Variants in OSTM1 observed in about 807,000 individuals in gnomAD.
OSTM1 encodes the protein osteoclastogenesis associated transmembrane protein 1, also known as osteopetrosis-associated transmembrane protein 1.
In OSTM1, 26 loss-of-function variants were observed where a neutral mutation model predicts 35.4. The observed-to-expected ratio is 0.73, with a 90% confidence interval of 0.54 to 1.02. The LOEUF (loss-of-function observed/expected upper bound fraction) is 1.02, where lower values mean the gene tolerates loss of function less well. Ranked by LOEUF, OSTM1 falls within the 50% of genes least tolerant of loss-of-function variation. OSTM1 has a pLI of 0.00. For synonymous variants in OSTM1, 181 were observed against 165.0 expected (o/e 1.10, Z -0.75); for missense variants, 366 against 409.6 (o/e 0.89, Z 0.92).
chr6:108,067,730 T>C (rs963244317), intron 1 of OSTM1, among the ~76,000 whole-genome samples: 6 of 148,132 alleles, frequency 4.1e-5, no homozygotes, highest in Non-Finnish European at 8.9e-5. Context: ...CTCAGGAGGC[T>C]GAGGCTGGAG....
intron 5 of OSTM1, 33 bp from the exon 6 acceptor site, chr6:108,044,873 AAATTT>A (rs1454007961): frequency 3.6e-6 from 4 of 1,096,238 alleles, no homozygotes; most frequent in Non-Finnish European, 5.3e-6. Flanking sequence ...ATTTTAATTT[AAATTT>A]AATTATCAAA....
chr6:108,064,970 T>C (rs1772351315), intron 1 of OSTM1, among the ~76,000 whole-genome samples: 1 of 152,220 alleles, frequency 6.6e-6, no homozygotes, highest in Non-Finnish European at 1.5e-5. Context: ...GCGATTCTCA[T>C]GCCACAGCCT....
chr6:108,050,619 C>T (rs1344524443), intron 4 of OSTM1, among the ~76,000 whole-genome samples: 1 of 152,088 alleles, frequency 6.6e-6, no homozygotes, highest in Non-Finnish European at 1.5e-5. Context: ...GCCTCAGCCT[C>T]CCAAAGTACT....
At chr6:108,057,278 C>T (rs540662098) in intron 2 of OSTM1, among the ~76,000 whole-genome samples, 15 of 152,238 alleles carry the variant, frequency 9.9e-5, no homozygotes, top group African/African-American at 3.4e-4. Context: ...AGCCCGCAAT[C>T]CTTTTAGGGA....
At chr6:108,069,106 C>A (rs974335893) in intron 1 of OSTM1, among the ~76,000 whole-genome samples, 1 of 152,200 alleles carries the variant, frequency 6.6e-6, no homozygotes, top group Non-Finnish European at 1.5e-5. Context: ...GATCAGCACT[C>A]TTGTCATATG....
intron 5 of OSTM1, among the ~76,000 whole-genome samples, chr6:108,045,807 C>T (rs1383747884): frequency 6.6e-6 from 1 of 152,006 alleles, no homozygotes; most frequent in Non-Finnish European, 1.5e-5. Flanking sequence ...AACAATCATG[C>T]CCATAGTGAG....
intron 2 of OSTM1, among the ~76,000 whole-genome samples, chr6:108,061,666 T>C (rs2114603731): frequency 6.6e-6 from 1 of 151,914 alleles, no homozygotes; most frequent in Admixed American, 6.6e-5. Context: ...GCTGGGACTA[T>C]AGGCATTTGC....
intron 2 of OSTM1, among the ~76,000 whole-genome samples, chr6:108,060,154 C>T (rs1268221606): frequency 1.3e-5 from 2 of 152,026 alleles, no homozygotes; most frequent in Non-Finnish European, 2.9e-5. Context: ...CTTCTTTTAC[C>T]TGAGACCATA....
intron 5 of OSTM1, among the ~76,000 whole-genome samples, chr6:108,047,750 A>T (rs963589740): frequency 6.6e-6 from 1 of 152,232 alleles, no homozygotes; most frequent in African/African-American, 2.4e-5. Flanking sequence ...AATAAAAGAA[A>T]GAAAATAATT....
rs745825777 is a variant in OSTM1, at chr6:108,074,676, G to A, written c.-25C>T. ...TCACCGGGCTCACACACCCCAGGGAGCCCACCGCCGCCTCTCCGCCCCCAG... is the reference window on the plus strand; with the variant it reads ...TCACCGGGCTCACACACCCCAGGGAACCCACCGCCGCCTCTCCGCCCCCAG... On this transcript the variant is annotated 5_prime_UTR_variant, in exon 1 of 6. Coordinates refer to ENST00000193322, the MANE Select transcript of OSTM1 (RefSeq NM_014028.4). 8.5e-5 allele frequency: 128 copies of A among 1,510,708 alleles called. 1 individual carries two copies. In the East Asian group the frequency reaches 1.3e-3, roughly 15 times the overall value. The allele number at this position is 1,510,708 out of a possible 1,614,324, so 93.6% of individuals were successfully genotyped here. A position where few individuals can be genotyped will look rare whatever the true frequency, so the allele number is the denominator to read the frequency against.
chr6:108,053,956 A>G (rs1481661219), intron 3 of OSTM1, among the ~76,000 whole-genome samples: 1 of 152,224 alleles, frequency 6.6e-6, no homozygotes, highest in Non-Finnish European at 1.5e-5. Context: ...GCAAGTTCCA[A>G]TACCAAAATT....
At chr6:108,071,711 T>C (rs1015477333) in intron 1 of OSTM1, among the ~76,000 whole-genome samples, 2 of 152,122 alleles carry the variant, frequency 1.3e-5, no homozygotes, top group Admixed American at 1.3e-4. Context: ...TGTCACACTT[T>C]TGAGCTAATG....
intron 3 of OSTM1, among the ~76,000 whole-genome samples, chr6:108,054,137 T>C (rs1205583990): frequency 1.3e-5 from 2 of 152,232 alleles, no homozygotes; most frequent in African/African-American, 4.8e-5. Flanking sequence ...ATAGACAGAA[T>C]CATACTACAC....
At chr6:108,054,281 A>G (rs768779547) in intron 3 of OSTM1, among the ~76,000 whole-genome samples, 20 of 152,182 alleles carry the variant, frequency 1.3e-4, no homozygotes, top group Non-Finnish European at 2.5e-4. Flanking sequence ...GGCAGGATAG[A>G]TATTATCTCC....
intron 5 of OSTM1, among the ~76,000 whole-genome samples, chr6:108,046,908 C>T (rs184154418): frequency 2.0e-5 from 3 of 152,252 alleles, no homozygotes; most frequent in East Asian, 1.9e-4. Context: ...AAGTTAAATA[C>T]GAATGAGTAC....
rs534652017 is a variant in OSTM1 at position 108,041,927 on chromosome 6, T to C, written c.*2858A>G. ...ATTTTTTAAATTTTAAATGGTTATA[T>C]AGGTTAATAGTATTTTTTGCTTTTC... On this transcript the variant is annotated 3_prime_UTR_variant, in exon 6 of 6. Coordinates refer to ENST00000193322, the MANE Select transcript of OSTM1 (RefSeq NM_014028.4). 5.3e-5 allele frequency: 8 copies of C among 152,300 alleles called. No individual in the cohort carries two copies. In the South Asian group the frequency reaches 1.2e-3, roughly 24 times the overall value. The allele number at this position is 152,300 out of a possible 1,614,324, so 9.4% of individuals were successfully genotyped here.
At position 108,051,013 on chromosome 6, in the gene OSTM1, C is replaced by G; in HGVS notation, c.783+18G>C. 4 of 1,593,836 alleles carry G rather than the reference C, an allele frequency of 2.5e-6. No homozygotes were observed. The highest frequency in any genetic ancestry group is 3.4e-6 in the Non-Finnish European group (4 of 1,161,954). ...TAACACTCTAAAATATGTATCACAT[C>G]AGAAGCAAAGTACTTACTGCATCTT... On this transcript the variant is annotated intron_variant, in intron 4 of 5. Coordinates refer to ENST00000193322, the MANE Select transcript of OSTM1 (RefSeq NM_014028.4).
Position 108,073,335 on chromosome 6 carries a change from G to A in OSTM1, c.402+915C>T, listed in dbSNP as rs146451847. ...GTTTTTCCTTTACCAAGCATATCCGGCCCACACCTCGTGACTCCCACCAAC... is the reference window on the plus strand; with the variant it reads ...GTTTTTCCTTTACCAAGCATATCCGACCCACACCTCGTGACTCCCACCAAC... On this transcript the variant is annotated intron_variant, in intron 1 of 5. Transcript: ENST00000193322. Among the ~76,000 whole-genome samples, 77 of 152,018 alleles carry A rather than the reference G, an allele frequency of 5.1e-4. 1 individual carries two copies. Among genetic ancestry groups the A allele is most frequent in the South Asian group, 1.0e-3 (5 of 4,816 alleles).
intron 1 of OSTM1, among the ~76,000 whole-genome samples, chr6:108,070,430 C>A (rs1338897339): frequency 6.6e-6 from 1 of 152,180 alleles, no homozygotes; most frequent in Non-Finnish European, 1.5e-5. Flanking sequence ...TTTCCTATTT[C>A]CCCATATAAG....
Sources: gnomAD v4.1 joint callset for allele counts (sites outside exome capture counted in the v4.1 genomes callset) on GRCh38, gnomAD v4.1.1 for gene constraint, MANE v1.5 for transcripts, NCBI Gene and HGNC (gene_info 2026-07-23, HGNC 2026-07-21) for gene names.